PRKG1: variants seen among roughly 807,000 people sequenced by gnomAD.
PRKG1 encodes cGMP-dependent protein kinase 1.
In PRKG1, 35 loss-of-function variants were observed where a neutral mutation model predicts 88.1. That is an observed-to-expected ratio of 0.40 (90% CI 0.30 to 0.53). The LOEUF (loss-of-function observed/expected upper bound fraction) is 0.53. PRKG1 is among the 20% of genes least tolerant of loss of function. The pLI is 0.59. For synonymous variants in PRKG1, 303 were observed against 292.5 expected, an observed-to-expected ratio of 1.04 and a Z score of -0.37; for missense variants, 540 against 839.8, an observed-to-expected ratio of 0.64 and a Z score of 4.41.
chr10:51,304,184 G>A (rs1840971594), intron 2 of PRKG1, among the ~76,000 whole-genome samples: 1 of 151,978 alleles, frequency 6.6e-6, no homozygotes, highest in Non-Finnish European at 1.5e-5. Flanking sequence ...ATTTTCTTTG[G>A]AAGAAAAACA....
At chr10:51,946,929 G>A (rs934315151) in intron 5 of PRKG1, among the ~76,000 whole-genome samples, 1 of 152,104 alleles carries the variant, frequency 6.6e-6, no homozygotes, top group African/African-American at 2.4e-5. Context: ...CCCACCTGAG[G>A]AGGCAGTCTG....
intron 1 of PRKG1, among the ~76,000 whole-genome samples, chr10:51,089,900 C>T (rs1015510119): frequency 1.3e-5 from 2 of 152,198 alleles, no homozygotes; most frequent in African/African-American, 4.8e-5. Flanking sequence ...CCATTCTTCA[C>T]ACTCTGTGGG....
In PRKG1 at chr10:51,600,815, C is replaced by A. The variant is rs116246589; in HGVS notation, c.592+132979C>A. Among the ~76,000 whole-genome samples the A allele has an allele frequency of 2.4e-3, 365 of 152,218 alleles. 2 individuals are homozygous for A. The highest frequency in any genetic ancestry group is 8.2e-3 in the African/African-American group (341 of 41,548). The stretch of plus-strand genomic sequence containing the variant: ...GCTTTAGATCTCAATCAAATTTAGT[C>A]ATACAACAAAGTTTCTTATTTATTG... On this transcript the variant is annotated intron_variant, in intron 3 of 17. Transcript: ENST00000373980.
intron 2 of PRKG1, among the ~76,000 whole-genome samples, chr10:51,419,076 A>G (rs780817257): frequency 1.3e-5 from 2 of 152,024 alleles, no homozygotes; most frequent in Non-Finnish European, 2.9e-5. Context: ...TAAAAATTGT[A>G]TTTTTTTCAC....
intron 4 of PRKG1, among the ~76,000 whole-genome samples, chr10:51,837,894 G>C (rs1444912542): frequency 6.6e-6 from 1 of 152,008 alleles, no homozygotes; most frequent in Non-Finnish European, 1.5e-5. Context: ...CCAACTTTTT[G>C]CTTTTCTGCA....
rs1020186139 is a variant in PRKG1, at chr10:51,614,415, T to C, written c.592+146579T>C. 2.1e-4 allele frequency among the ~76,000 whole-genome samples: 32 copies of C among 151,910 alleles called. 1 individual carries two copies. Among genetic ancestry groups the C allele is most frequent in the African/African-American group, 7.5e-4 (31 of 41,428 alleles). On this transcript the variant is annotated intron_variant, in intron 3 of 17. Coordinates refer to ENST00000373980, the MANE Select transcript of PRKG1 (RefSeq NM_006258.4). Reference sequence around the variant, plus strand: ...AGGTGAGTTTCTTGAAGGCAGCATATAGTTGTATCTTTAAAAAAAAAAATT... The same window carrying C: ...AGGTGAGTTTCTTGAAGGCAGCATACAGTTGTATCTTTAAAAAAAAAAATT...
intron 2 of PRKG1, among the ~76,000 whole-genome samples, chr10:51,292,808 A>G (rs934827981): frequency 4.6e-5 from 7 of 152,124 alleles, no homozygotes; most frequent in African/African-American, 1.4e-4. Context: ...TAGCACCTAT[A>G]CTATTCTATA....
chr10:52,249,375 A>G (rs1841114991), intron 9 of PRKG1, among the ~76,000 whole-genome samples: 1 of 151,954 alleles, frequency 6.6e-6, no homozygotes, highest in South Asian at 2.1e-4. Context: ...CTTACTGTGC[A>G]TCAAAATCAC....
chr10:52,205,282 C>G (rs1017330366), intron 9 of PRKG1, among the ~76,000 whole-genome samples: 1 of 152,114 alleles, frequency 6.6e-6, no homozygotes, highest in Admixed American at 6.5e-5. Flanking sequence ...ACACCCTATT[C>G]GTACACTCCC....
chr10:51,749,555 C>T lies in PRKG1; in HGVS notation c.593-55030C>T, dbSNP rs141962627. On this transcript the variant is annotated intron_variant, in intron 3 of 17. Coordinates refer to ENST00000373980, the MANE Select transcript of PRKG1 (RefSeq NM_006258.4). ...TAACCCTTAATTACCTCCCCAAAGCCCTGTCTCCAAATGTAGTCACATTTG... is the reference window on the plus strand; with the variant it reads ...TAACCCTTAATTACCTCCCCAAAGCTCTGTCTCCAAATGTAGTCACATTTG... Among the ~76,000 whole-genome samples the T allele has an allele frequency of 4.6e-4, 70 of 152,288 alleles. 1 individual carries two copies. The East Asian group carries it at 0.011, about 24-fold the overall frequency.
At chr10:51,298,979 T>A (rs1026072096) in intron 2 of PRKG1, among the ~76,000 whole-genome samples, 1 of 152,180 alleles carries the variant, frequency 6.6e-6, no homozygotes, top group African/African-American at 2.4e-5. Context: ...TTAAGTGCAA[T>A]GGAGCACAAA....
At chr10:52,062,169 T>G (rs1258783290) in intron 6 of PRKG1, among the ~76,000 whole-genome samples, 1 of 152,160 alleles carries the variant, frequency 6.6e-6, no homozygotes, top group Admixed American at 6.5e-5. Flanking sequence ...GTTATTAATA[T>G]ATTTTAAAAA....
At chr10:52,081,647 T>C (rs1378340959) in intron 7 of PRKG1, 4 of 456,550 alleles carry the variant, frequency 8.8e-6, no homozygotes. Flanking sequence ...TCATGGATCT[T>C]ACATTCTGAG....
At chr10:52,281,059 T>C in intron 13 of PRKG1, 129 bp downstream of exon 13, 2 of 1,092,502 alleles carry the variant, frequency 1.8e-6, no homozygotes, top group East Asian at 5.1e-5. Flanking sequence ...AAGCAGATTT[T>C]AGCATTACAC....
chr10:51,848,902 G>T (rs890821983), intron 4 of PRKG1, among the ~76,000 whole-genome samples: 4 of 147,570 alleles, frequency 2.7e-5, no homozygotes, highest in South Asian at 4.3e-4. Context: ...ACCTTGTTCT[G>T]GTTCTCTCTA....
At chr10:51,229,926 CAAAAAAA>C (rs35300789) in intron 2 of PRKG1, among the ~76,000 whole-genome samples, 5 of 33,588 alleles carry the variant, frequency 1.5e-4, no homozygotes, top group African/African-American at 3.3e-4. Context: ...GAGGCGATCT[CAAAAAAA>C]AAAAAAAAAA....
intron 5 of PRKG1, among the ~76,000 whole-genome samples, chr10:51,968,081 C>T: frequency 6.6e-6 from 1 of 152,102 alleles, no homozygotes; most frequent in East Asian, 1.9e-4. Flanking sequence ...TGACTATCTT[C>T]TTTATTGCCT....
At chr10:52,108,659 A>G (rs1245879578) in intron 7 of PRKG1, among the ~76,000 whole-genome samples, 1 of 152,062 alleles carries the variant, frequency 6.6e-6, no homozygotes, top group Admixed American at 6.5e-5. Context: ...AAATCCTAAC[A>G]CTGGTTCATT....
intron 3 of PRKG1, among the ~76,000 whole-genome samples, chr10:51,666,775 G>GCTTA (rs1840431873): frequency 6.6e-6 from 1 of 151,810 alleles, no homozygotes; most frequent in South Asian, 2.1e-4. Context: ...TCTTGTAAAA[G>GCTTA]TTTATTTATT....
Sources: allele counts gnomAD v4.1 joint callset (sites outside exome capture counted in the v4.1 genomes callset), GRCh38; gene constraint gnomAD v4.1.1; transcripts MANE v1.5; gene names NCBI Gene and HGNC (gene_info 2026-07-23, HGNC 2026-07-21).